The following TMEM132B variants were observed in gnomAD, a reference collection of about 807,000 sequenced individuals.
TMEM132B encodes the protein transmembrane protein 132B.
TMEM132B carries 18 observed loss-of-function variants against 90.8 expected under a neutral mutation model. The observed-to-expected ratio is 0.20, with a 90% CI of 0.14 to 0.29. TMEM132B has a LOEUF of 0.29. Among genes scored for constraint, TMEM132B ranks in the 10% least tolerant of loss-of-function variants. The probability of loss-of-function intolerance (pLI) is 1.00; values close to 1 mark genes in which losing one functional copy is unlikely to be tolerated. For synonymous variants in TMEM132B, 504 were observed against 523.3 expected (o/e 0.96, Z 0.50); for missense variants, 1,096 against 1,326.8 (o/e 0.83, Z 2.70).
intron 3 of TMEM132B, among the ~76,000 whole-genome samples, chr12:125,434,667 T>C (rs1880648486): frequency 6.6e-6 from 1 of 152,246 alleles, no homozygotes; most frequent in Non-Finnish European, 1.5e-5. Flanking sequence ...CTCCAGGCTC[T>C]GGCCACTGCC....
intron 1 of TMEM132B, among the ~76,000 whole-genome samples, chr12:125,233,476 C>G (rs1270547583): frequency 6.6e-6 from 1 of 152,208 alleles, no homozygotes; most frequent in Non-Finnish European, 1.5e-5. Context: ...TGTTTTTAAG[C>G]TGTCTTCTGA....
chr12:125,257,115 C>A (rs1372386002), intron 1 of TMEM132B, among the ~76,000 whole-genome samples: 2 of 152,058 alleles, frequency 1.3e-5, no homozygotes, highest in East Asian at 3.9e-4. Flanking sequence ...GAGCTTGAGA[C>A]CCACTGGGAA....
In TMEM132B at chr12:125,507,236, G is replaced by GCATT. The variant is rs769396402; in HGVS notation, c.1107-12191_1107-12188dup. ...ACTTTGAGGTTCACAGATTATGCAT[G>GCATT]CATTCATTCATTCATCCATCCATGA... On this transcript the variant is annotated intron_variant, in intron 3 of 8. Coordinates refer to ENST00000682704, the MANE Select transcript of TMEM132B (RefSeq NM_001366854.1). Among the ~76,000 whole-genome samples the GCATT allele has an allele frequency of 3.3e-5, 5 of 152,300 alleles. No homozygotes were observed. The East Asian group carries it at 5.8e-4, about 18-fold the overall frequency.
chr12:125,392,568 G>T lies in TMEM132B; in HGVS notation c.960-22963G>T, dbSNP rs545382482. Among the ~76,000 whole-genome samples, 11 of 152,302 alleles carry T rather than the reference G, an allele frequency of 7.2e-5. No homozygotes were observed. In the East Asian group the frequency reaches 1.4e-3, roughly 19 times the overall value. ...GAGGTTGTGCTCTTAGCCCCTTCAT[G>T]ATGCTGCCTTTTTGGGTACTTTCAA... is the stretch of plus-strand genomic sequence containing the variant. On this transcript the variant is annotated intron_variant, in intron 2 of 8. Coordinates refer to ENST00000682704, the MANE Select transcript of TMEM132B (RefSeq NM_001366854.1).
chr12:125,488,806 T>C (rs1566051549), intron 3 of TMEM132B, among the ~76,000 whole-genome samples: 1 of 152,234 alleles, frequency 6.6e-6, no homozygotes, highest in Non-Finnish European at 1.5e-5. Flanking sequence ...AGCCCACTCG[T>C]GTACCTATGG....
At chr12:125,254,220 G>T (rs1023809571) in intron 1 of TMEM132B, among the ~76,000 whole-genome samples, 1 of 152,084 alleles carries the variant, frequency 6.6e-6, no homozygotes, top group Admixed American at 6.5e-5. Context: ...GGTCGAAGCT[G>T]CAGTGAGCCA....
intron 5 of TMEM132B, among the ~76,000 whole-genome samples, chr12:125,640,504 G>A (rs1175585711): frequency 6.6e-6 from 1 of 152,208 alleles, no homozygotes; most frequent in Non-Finnish European, 1.5e-5. Flanking sequence ...CCTGTGCCGG[G>A]TAGGGAGGGC....
intron 1 of TMEM132B, among the ~76,000 whole-genome samples, chr12:125,211,024 T>C (rs1361262208): frequency 1.3e-5 from 2 of 152,010 alleles, no homozygotes. Flanking sequence ...TGATCTGAGC[T>C]TGTGCCATTG....
intron 5 of TMEM132B, among the ~76,000 whole-genome samples, chr12:125,605,141 A>T (rs1039435636): frequency 1.3e-5 from 2 of 152,214 alleles, no homozygotes; most frequent in African/African-American, 4.8e-5. Context: ...AATCGTGTTC[A>T]CTTAATTATA....
At chr12:125,437,044 CT>C (rs1306222315) in intron 3 of TMEM132B, among the ~76,000 whole-genome samples, 1 of 152,162 alleles carries the variant, frequency 6.6e-6, no homozygotes, top group East Asian at 1.9e-4. Context: ...ATACCACACC[CT>C]TGTTTAGCTG....
chr12:125,530,951 A>G (rs1883628805), intron 4 of TMEM132B, among the ~76,000 whole-genome samples: 1 of 152,188 alleles, frequency 6.6e-6, no homozygotes, highest in South Asian at 2.1e-4. Context: ...GGGCTACATG[A>G]GTGCCATTAA....
At chr12:125,225,749 T>C (rs1220092230) in intron 1 of TMEM132B, among the ~76,000 whole-genome samples, 1 of 152,172 alleles carries the variant, frequency 6.6e-6, no homozygotes, top group African/African-American at 2.4e-5. Context: ...TCTCTGCATA[T>C]AGGAAAACAA....
At chr12:125,512,014 G>GTT (rs1882995162) in intron 3 of TMEM132B, among the ~76,000 whole-genome samples, 1 of 152,096 alleles carries the variant, frequency 6.6e-6, no homozygotes, top group Admixed American at 6.5e-5. Context: ...GCCATGTCCC[G>GTT]CCCTATGGAC....
At chr12:125,529,644 C>T (rs1449979590) in intron 4 of TMEM132B, among the ~76,000 whole-genome samples, 1 of 152,180 alleles carries the variant, frequency 6.6e-6, no homozygotes, top group Non-Finnish European at 1.5e-5. Context: ...AAGGAAGGGC[C>T]AGCAGGTGCC....
chr12:125,638,438 C>G (rs772351064), intron 5 of TMEM132B, among the ~76,000 whole-genome samples: 9 of 152,166 alleles, frequency 5.9e-5, no homozygotes, highest in African/African-American at 1.9e-4. Flanking sequence ...GCGCCTCAGA[C>G]ACAGTACACT....
chr12:125,589,326 C>G (rs2136887099), intron 5 of TMEM132B, among the ~76,000 whole-genome samples: 1 of 151,750 alleles, frequency 6.6e-6, no homozygotes. Context: ...ACTAAAAATA[C>G]AAAAAATTAG....
At chr12:125,428,874 A>G (rs2136393966) in intron 3 of TMEM132B, among the ~76,000 whole-genome samples, 1 of 152,326 alleles carries the variant, frequency 6.6e-6, no homozygotes. Context: ...TGCAGCCTGT[A>G]GCTGAGTGTG....
chr12:125,480,195 AG>A (rs1882000673), intron 3 of TMEM132B, among the ~76,000 whole-genome samples: 1 of 152,216 alleles, frequency 6.6e-6, no homozygotes. Flanking sequence ...CACAATTAAA[AG>A]AGTTAGAGAA....
intron 4 of TMEM132B, among the ~76,000 whole-genome samples, chr12:125,583,100 C>A (rs898706908): frequency 6.6e-5 from 10 of 152,096 alleles, no homozygotes; most frequent in Non-Finnish European, 1.5e-4. Flanking sequence ...CACAGGGAAA[C>A]CAGTTGGGGA....
Sources: allele counts gnomAD v4.1 joint callset (sites outside exome capture counted in the v4.1 genomes callset), GRCh38; gene constraint gnomAD v4.1.1; transcripts MANE v1.5; gene names NCBI Gene and HGNC (gene_info 2026-07-23, HGNC 2026-07-21).